PTPRD: variants seen among roughly 807,000 people sequenced by gnomAD.
PTPRD encodes the protein receptor-type tyrosine-protein phosphatase delta.
In PTPRD, 34 loss-of-function variants were observed where a neutral mutation model predicts 214.5. That is an observed-to-expected ratio of 0.16 (90% confidence interval 0.12 to 0.21). PTPRD has a LOEUF of 0.21. Among genes scored for constraint, PTPRD ranks in the 10% least tolerant of loss-of-function variants. The probability of loss-of-function intolerance (pLI) is 1.00; values close to 1 mark genes in which losing one functional copy is unlikely to be tolerated. For missense variants in PTPRD, 2,545 were observed against 2,398.7 expected, an observed-to-expected ratio of 1.06 and a Z score of -1.27; for synonymous variants, 1,128 against 845.7, an observed-to-expected ratio of 1.33 and a Z score of -5.79.
At chr9:8,974,293 A>C (rs1464969787) in intron 11 of PTPRD, among the ~76,000 whole-genome samples, 1 of 152,050 alleles carries the variant, frequency 6.6e-6, no homozygotes, top group Non-Finnish European at 1.5e-5. Flanking sequence ...AGCACCATTT[A>C]TTGAATAGGG....
chr9:8,807,268 CA>C (rs1162700892), intron 11 of PTPRD, among the ~76,000 whole-genome samples: 1 of 151,984 alleles, frequency 6.6e-6, no homozygotes, highest in East Asian at 1.9e-4. Context: ...ACCCGGGAGG[CA>C]GAGGTTGCAG....
rs140682169 is a variant in PTPRD, at chr9:9,656,464, T to C, written c.-287+78069A>G. On this transcript the variant is annotated intron_variant, in intron 7 of 45. Transcript: ENST00000381196. ...GATCTCCTAAGCCATGAAAGAAATG[T>C]AGGAAAATTAAATACATATCACTAA... Among the ~76,000 whole-genome samples the C allele has an allele frequency of 2.5e-3, 388 of 152,226 alleles. 2 individuals are homozygous for C. Among genetic ancestry groups the C allele is most frequent in the Non-Finnish European group, 4.5e-3 (306 of 67,990 alleles).
chr9:9,567,964 G>A (rs1227663492), intron 8 of PTPRD, among the ~76,000 whole-genome samples: 1 of 151,438 alleles, frequency 6.6e-6, no homozygotes, highest in Non-Finnish European at 1.5e-5. Flanking sequence ...TTTTTCTACT[G>A]GGTATCTCGT....
chr9:9,324,092 A>T (rs536880165), intron 9 of PTPRD, among the ~76,000 whole-genome samples: 168 of 152,256 alleles, frequency 1.1e-3, no homozygotes, highest in Admixed American at 2.4e-3. Context: ...TCTATCATTG[A>T]TGGACATTTG....
At chr9:9,588,949 T>C (rs536068958) in intron 7 of PTPRD, among the ~76,000 whole-genome samples, 30 of 152,042 alleles carry the variant, frequency 2.0e-4, no homozygotes, top group African/African-American at 7.0e-4. Flanking sequence ...TTAGAACTTG[T>C]AATATTATAT....
At chr9:8,659,289 G>A (rs894660166) in intron 12 of PTPRD, among the ~76,000 whole-genome samples, 1 of 152,128 alleles carries the variant, frequency 6.6e-6, no homozygotes, top group Non-Finnish European at 1.5e-5. Flanking sequence ...AGACTGTGTT[G>A]GCCAGATGGT....
rs371939254 is a variant in PTPRD, at chr9:9,026,119, G to A, written c.-142-7384C>T. On this transcript the variant is annotated intron_variant, in intron 10 of 45. Coordinates refer to ENST00000381196, the MANE Select transcript of PTPRD (RefSeq NM_002839.4). ...GCACTGGGTAATGCTACAGAGGATA[G>A]TCAGGAAGGCCTTATAGAGATGGCT... 1.9e-4 allele frequency among the ~76,000 whole-genome samples: 17 copies of A among 91,126 alleles called. No homozygotes were observed. In the East Asian group the frequency reaches 2.2e-3, roughly 12 times the overall value. The allele number at this position is 91,126 out of a possible 152,430, so 59.8% of individuals were successfully genotyped here.
chr9:8,790,961 A>G (rs1039223235), intron 11 of PTPRD, among the ~76,000 whole-genome samples: 2 of 152,216 alleles, frequency 1.3e-5, no homozygotes, highest in African/African-American at 4.8e-5. Flanking sequence ...GAAGATACAG[A>G]ACGCTTTTGT....
At chr9:10,587,587 T>G (rs562198152) in intron 2 of PTPRD, among the ~76,000 whole-genome samples, 14 of 152,176 alleles carry the variant, frequency 9.2e-5, no homozygotes, top group Admixed American at 3.9e-4. Context: ...TCCAGATTAT[T>G]GCATTTCCTC....
intron 27 of PTPRD, among the ~76,000 whole-genome samples, chr9:8,489,923 C>T (rs559667500): frequency 7.2e-5 from 11 of 152,286 alleles, no homozygotes; most frequent in South Asian, 4.1e-4. Flanking sequence ...GAAATAAAGA[C>T]GGATGCAGCA....
chr9:9,783,811 C>T (rs926742466), intron 5 of PTPRD, among the ~76,000 whole-genome samples: 1 of 132,154 alleles, frequency 7.6e-6, no homozygotes, highest in Admixed American at 9.1e-5. Context: ...GTTTTTCTCT[C>T]CTGCTTCGTT....
In PTPRD at chr9:9,814,797, T is replaced by A. The variant is rs1433584385; in HGVS notation, c.-367-47946A>T. Among the ~76,000 whole-genome samples, 57 of 43,584 alleles carry A rather than the reference T, an allele frequency of 1.3e-3. No individual in the cohort carries two copies. The African/African-American group carries it at 0.026, about 20-fold the overall frequency. The allele number at this position is 43,584 out of a possible 152,430, so 28.6% of individuals were successfully genotyped here. ...GAACGCTCCAAATACCAAAGTGACTTTTTTTTTTTTTTTTTTTTTCGATAC... is the reference window on the plus strand; with the variant it reads ...GAACGCTCCAAATACCAAAGTGACTATTTTTTTTTTTTTTTTTTTCGATAC... On this transcript the variant is annotated intron_variant, in intron 5 of 45. Coordinates refer to ENST00000381196, the MANE Select transcript of PTPRD (RefSeq NM_002839.4).
chr9:10,059,397 T>C (rs1295262076), intron 3 of PTPRD, among the ~76,000 whole-genome samples: 1 of 152,100 alleles, frequency 6.6e-6, no homozygotes, highest in Non-Finnish European at 1.5e-5. Flanking sequence ...AATTGCAGCA[T>C]CCATTGGACC....
At chr9:9,529,275 A>AC (rs1342462317) in intron 8 of PTPRD, among the ~76,000 whole-genome samples, 1 of 151,600 alleles carries the variant, frequency 6.6e-6, no homozygotes, top group Non-Finnish European at 1.5e-5. Flanking sequence ...CTCCAAACAA[A>AC]AAAAAAAAAT....
intron 3 of PTPRD, among the ~76,000 whole-genome samples, chr9:10,144,049 T>C (rs1211148611): frequency 6.6e-6 from 1 of 152,000 alleles, no homozygotes; most frequent in Non-Finnish European, 1.5e-5. Flanking sequence ...ACTCTGATTC[T>C]AAAGTTGAAA....
chr9:8,414,604 T>C (rs2093762890), intron 35 of PTPRD, among the ~76,000 whole-genome samples: 1 of 145,166 alleles, frequency 6.9e-6, no homozygotes, highest in African/African-American at 2.5e-5. Flanking sequence ...TATTCCAGAA[T>C]GGAGCTCTAC....
chr9:8,732,150 T>C (rs998546325), intron 12 of PTPRD, among the ~76,000 whole-genome samples: 10 of 152,338 alleles, frequency 6.6e-5, no homozygotes, highest in African/African-American at 2.2e-4. Context: ...AGATTGTTTT[T>C]TCAAACACAA....
At chr9:9,703,917 C>T (rs1030679520) in intron 7 of PTPRD, among the ~76,000 whole-genome samples, 1 of 152,132 alleles carries the variant, frequency 6.6e-6, no homozygotes, top group Non-Finnish European at 1.5e-5. Flanking sequence ...TAGGGTCTCA[C>T]TCTGTTACTC....
intron 10 of PTPRD, among the ~76,000 whole-genome samples, chr9:9,121,907 C>G (rs776613308): frequency 5.3e-5 from 8 of 152,082 alleles, no homozygotes; most frequent in Non-Finnish European, 1.0e-4. Flanking sequence ...CAATATTATT[C>G]AATGTAGGAA....
Sources: allele counts gnomAD v4.1 joint callset (sites outside exome capture counted in the v4.1 genomes callset), GRCh38; gene constraint gnomAD v4.1.1; transcripts MANE v1.5; gene names NCBI Gene and HGNC (gene_info 2026-07-23, HGNC 2026-07-21).